The following NRXN1 variants were observed in gnomAD, a reference collection of about 807,000 sequenced individuals.
The protein encoded by NRXN1 is neurexin-1.
A neutral mutation model predicts 150.9 loss-of-function variants in NRXN1; 39 were observed. The ratio of observed to expected loss-of-function variants is 0.26; its 90% CI spans 0.20 to 0.34. The LOEUF is 0.34. Among genes scored for constraint, NRXN1 ranks in the 10% least tolerant of loss-of-function variants. NRXN1 has a pLI of 1.00. For missense variants in NRXN1, 1,815 were observed against 1,949.9 expected, an observed-to-expected ratio of 0.93 and a Z score of 1.30; for synonymous variants, 924 against 757.0, an observed-to-expected ratio of 1.22 and a Z score of -3.62.
intron 17 of NRXN1, among the ~76,000 whole-genome samples, chr2:50,420,852 A>G (rs567698364): frequency 3.9e-5 from 6 of 152,182 alleles, no homozygotes; most frequent in Non-Finnish European, 8.8e-5. Flanking sequence ...AGGACACATG[A>G]TAGTGGAAGG....
At chr2:50,130,969 T>C (rs1435830368) in intron 18 of NRXN1, among the ~76,000 whole-genome samples, 1 of 152,204 alleles carries the variant, frequency 6.6e-6, no homozygotes, top group Non-Finnish European at 1.5e-5. Flanking sequence ...TGCATGAACA[T>C]GGCCTAATGT....
chr2:50,537,783 G>A (rs142230101), intron 10 of NRXN1, among the ~76,000 whole-genome samples: 75 of 152,326 alleles, frequency 4.9e-4, no homozygotes, highest in Non-Finnish European at 8.5e-4. Context: ...GTTGACTGAA[G>A]TGAAATGAGC....
At chr2:50,998,260 A>T (rs894557579) in intron 2 of NRXN1, among the ~76,000 whole-genome samples, 3 of 141,650 alleles carry the variant, frequency 2.1e-5, no homozygotes, top group Non-Finnish European at 4.5e-5. Flanking sequence ...TACTCACAAA[A>T]CACATGCATA....
intron 5 of NRXN1, among the ~76,000 whole-genome samples, chr2:50,813,683 T>C (rs139933639): frequency 2.5e-4 from 38 of 152,296 alleles, no homozygotes; most frequent in African/African-American, 7.9e-4. Flanking sequence ...TACTGGTGCA[T>C]TGATTGTAGA....
intron 5 of NRXN1, among the ~76,000 whole-genome samples, chr2:50,673,854 T>C (rs1283804474): frequency 2.6e-5 from 4 of 152,066 alleles, no homozygotes; most frequent in South Asian, 2.1e-4. Flanking sequence ...TGGAATACTA[T>C]GCAGCCATAA....
At chr2:50,756,924 T>C (rs1266838588) in intron 5 of NRXN1, among the ~76,000 whole-genome samples, 1 of 151,884 alleles carries the variant, frequency 6.6e-6, no homozygotes, top group Non-Finnish European at 1.5e-5. Context: ...GTGTTAAAAC[T>C]GAAAGTCTAA....
chr2:50,271,642 G>A (rs891787182), intron 17 of NRXN1, among the ~76,000 whole-genome samples: 2 of 152,016 alleles, frequency 1.3e-5, no homozygotes, highest in African/African-American at 4.8e-5. Context: ...GTAACTCAAA[G>A]TACATTTATG....
intron 18 of NRXN1, among the ~76,000 whole-genome samples, chr2:50,176,680 C>T (rs1232268619): frequency 2.0e-5 from 3 of 152,114 alleles, no homozygotes; most frequent in African/African-American, 7.2e-5. Context: ...TTAAAATAAT[C>T]AGCCTTTTTC....
At chr2:50,045,429 G>A (rs931960137) in intron 21 of NRXN1, among the ~76,000 whole-genome samples, 3 of 152,016 alleles carry the variant, frequency 2.0e-5, no homozygotes, top group East Asian at 1.9e-4. Context: ...TGCAACCTCC[G>A]CCTCCGCCCA....
intron 17 of NRXN1, among the ~76,000 whole-genome samples, chr2:50,409,640 G>A (rs2083002659): frequency 6.6e-6 from 1 of 152,158 alleles, no homozygotes; most frequent in East Asian, 1.9e-4. Context: ...ACTCGACTTG[G>A]AAAACCTACT....
In NRXN1 at chr2:50,961,919, T is replaced by C. The variant is rs559222427; in HGVS notation, c.773-35964A>G. On this transcript the variant is annotated intron_variant, in intron 2 of 22. Transcript: ENST00000401669. ...CTTAGAAAATCTAGACGCTTTTCTA[T>C]TAGCTATTACAACTGAGAATAATTT... Among the ~76,000 whole-genome samples, 16 of 151,548 alleles carry C rather than the reference T, an allele frequency of 1.1e-4. 1 individual carries two copies. The Admixed American group carries it at 1.1e-3, about 10-fold the overall frequency.
chr2:50,647,898 A>G (rs1323876000), intron 5 of NRXN1, among the ~76,000 whole-genome samples: 1 of 151,950 alleles, frequency 6.6e-6, no homozygotes, highest in Non-Finnish European at 1.5e-5. Flanking sequence ...TAGGGCATAC[A>G]AATTATACTA....
intron 21 of NRXN1, among the ~76,000 whole-genome samples, chr2:49,977,977 C>A (rs749727478): frequency 1.2e-4 from 18 of 152,082 alleles, no homozygotes; most frequent in Non-Finnish European, 2.5e-4. Context: ...TCCTGGCCAA[C>A]ATGGTGAAAC....
intron 5 of NRXN1, among the ~76,000 whole-genome samples, chr2:50,733,675 T>G (rs886150017): frequency 6.6e-6 from 1 of 152,172 alleles, no homozygotes; most frequent in African/African-American, 2.4e-5. Flanking sequence ...ATTGGCATGA[T>G]CTTCCAAATT....
rs1233136332 is a variant in NRXN1, at chr2:50,457,710, AT to A, written c.3364+7731del. Among the ~76,000 whole-genome samples, 6 of 152,260 alleles carry A rather than the reference AT, an allele frequency of 3.9e-5. No individual in the cohort carries two copies. In the East Asian group the frequency reaches 1.2e-3, roughly 29 times the overall value. On this transcript the variant is annotated intron_variant, in intron 17 of 22. Transcript: ENST00000401669. ...AATGGTCAACAGGAATATAAAAAAA[AT>A]GCTTGATATCACTAATCATCAGAGA...
intron 18 of NRXN1, among the ~76,000 whole-genome samples, chr2:50,191,711 T>A (rs2061454544): frequency 6.6e-6 from 1 of 152,246 alleles, no homozygotes; most frequent in South Asian, 2.1e-4. Flanking sequence ...ACTTTTTCAT[T>A]CAGCATAGTT....
At chr2:50,263,881 C>T (rs1401021617) in intron 17 of NRXN1, among the ~76,000 whole-genome samples, 1 of 152,014 alleles carries the variant, frequency 6.6e-6, no homozygotes, top group African/African-American at 2.4e-5. Flanking sequence ...CAGCATAGAC[C>T]AGAATTGGTC....
At chr2:50,271,778 A>G (rs1030774817) in intron 17 of NRXN1, among the ~76,000 whole-genome samples, 2 of 149,684 alleles carry the variant, frequency 1.3e-5, no homozygotes, top group Non-Finnish European at 1.5e-5. Flanking sequence ...TATTTTGGTG[A>G]ATAACAGTAC....
At chr2:49,973,907 TA>T in intron 21 of NRXN1, 1 of 688,324 alleles carries the variant, frequency 1.5e-6, no homozygotes, top group Non-Finnish European at 2.7e-6. Context: ...TCTGGTATCT[TA>T]AACCCTGCAT....
Sources: gnomAD v4.1 joint callset for allele counts (sites outside exome capture counted in the v4.1 genomes callset) on GRCh38, gnomAD v4.1.1 for gene constraint, MANE v1.5 for transcripts, NCBI Gene and HGNC (gene_info 2026-07-23, HGNC 2026-07-21) for gene names.